The following MAGI2 variants were observed in gnomAD, a reference collection of about 807,000 sequenced individuals.
MAGI2 encodes the protein membrane associated guanylate kinase, WW and PDZ domain containing 2.
In MAGI2, 35 loss-of-function variants were observed where a neutral mutation model predicts 133.3. The observed-to-expected ratio is 0.26, with a 90% CI of 0.20 to 0.35. The LOEUF (loss-of-function observed/expected upper bound fraction) is 0.35, where lower values mean the gene tolerates loss of function less well. MAGI2 is among the 10% of genes least tolerant of loss of function. The probability of loss-of-function intolerance (pLI) is 1.00; values close to 1 mark genes in which losing one functional copy is unlikely to be tolerated. For missense variants in MAGI2, 1,636 were observed against 1,863.4 expected, an observed-to-expected ratio of 0.88 and a Z score of 2.25; for synonymous variants, 729 against 710.6, an observed-to-expected ratio of 1.03 and a Z score of -0.41.
chr7:78,747,121 G>A (rs1822997252), intron 2 of MAGI2, among the ~76,000 whole-genome samples: 1 of 152,108 alleles, frequency 6.6e-6, no homozygotes, highest in South Asian at 2.1e-4. Flanking sequence ...CTTAAATTGG[G>A]CAGTTTTCCT....
intron 2 of MAGI2, among the ~76,000 whole-genome samples, chr7:78,750,341 T>G (rs1253492275): frequency 6.6e-6 from 1 of 152,154 alleles, no homozygotes; most frequent in Non-Finnish European, 1.5e-5. Context: ...GCAATAAACA[T>G]ATGTGTGTAC....
At chr7:79,029,742 T>C (rs1458277874) in intron 1 of MAGI2, among the ~76,000 whole-genome samples, 1 of 152,224 alleles carries the variant, frequency 6.6e-6, no homozygotes, top group Admixed American at 6.5e-5. Context: ...TATTTATTAC[T>C]GTATTTATTC....
At chr7:79,125,501 G>T (rs1344918515) in intron 1 of MAGI2, 9 of 513,770 alleles carry the variant, frequency 1.8e-5, no homozygotes, top group Non-Finnish European at 3.5e-5. Context: ...AGACGCTATG[G>T]AAGTGGTGGA....
At chr7:79,276,069 C>G (rs2364902) in intron 1 of MAGI2, among the ~76,000 whole-genome samples, 90,336 of 152,032 alleles carry the variant, frequency 0.59, 28,800 homozygotes, top group Non-Finnish European at 0.7. Flanking sequence ...GTAATTCCGA[C>G]TTTCAAGTAT....
chr7:78,806,602 A>G (rs37881), intron 2 of MAGI2, among the ~76,000 whole-genome samples: 132,628 of 151,978 alleles, frequency 0.87, 58,118 homozygotes, highest in East Asian at 1. Context: ...AAGGTGACTC[A>G]CACTTGTAAT....
At chr7:78,549,328 C>T (rs1799138216) in intron 3 of MAGI2, among the ~76,000 whole-genome samples, 1 of 151,990 alleles carries the variant, frequency 6.6e-6, no homozygotes, top group Admixed American at 6.6e-5. Flanking sequence ...CATAGTGGAT[C>T]AAGACAAAAG....
chr7:78,180,938 T>C (rs1231084900), intron 13 of MAGI2, among the ~76,000 whole-genome samples: 1 of 151,470 alleles, frequency 6.6e-6, no homozygotes, highest in Non-Finnish European at 1.5e-5. Flanking sequence ...TTTTTTTTTT[T>C]TTTTTTTTTT....
chr7:78,778,564 G>A (rs533299866), intron 2 of MAGI2, among the ~76,000 whole-genome samples: 1 of 152,218 alleles, frequency 6.6e-6, no homozygotes, highest in Non-Finnish European at 1.5e-5. Flanking sequence ...TATTTAAAGG[G>A]ACTGAATTAA....
chr7:78,793,902 T>G (rs924889180), intron 2 of MAGI2, among the ~76,000 whole-genome samples: 6 of 152,174 alleles, frequency 3.9e-5, no homozygotes, highest in Non-Finnish European at 2.9e-5. Flanking sequence ...TCCATGAAGA[T>G]CTCTTGGGGA....
intron 21 of MAGI2, among the ~76,000 whole-genome samples, chr7:78,051,304 T>C (rs1033573382): frequency 6.6e-6 from 1 of 152,162 alleles, no homozygotes; most frequent in African/African-American, 2.4e-5. Context: ...TTTTAAACTG[T>C]CAAGAAAGTG....
chr7:78,829,000 T>C (rs77118842), intron 2 of MAGI2, among the ~76,000 whole-genome samples: 2,261 of 152,210 alleles, frequency 0.015, 34 homozygotes, highest in African/African-American at 0.037. Flanking sequence ...CTCAGTAACA[T>C]TGAATTCAAA....
At chr7:78,264,625 A>G (rs1386122601) in intron 9 of MAGI2, among the ~76,000 whole-genome samples, 2 of 152,192 alleles carry the variant, frequency 1.3e-5, no homozygotes, top group East Asian at 3.9e-4. Flanking sequence ...GTGACAGGGC[A>G]TTATAACTCA....
At position 78,804,834 on chromosome 7, in the gene MAGI2, G is replaced by A. The variant is rs566337498; in HGVS notation, c.419-177595C>T. 4.4e-4 allele frequency among the ~76,000 whole-genome samples: 66 copies of A among 150,858 alleles called. No homozygotes were observed. The East Asian group carries it at 0.013, about 29-fold the overall frequency. On this transcript the variant is annotated intron_variant, in intron 2 of 21. Transcript: ENST00000354212. ...TGTAATCCCAGCACTTTGGGAAGCC[G>A]AGGCGGGTGGATCACCTAAGACCAG... is the stretch of plus-strand genomic sequence containing the variant.
intron 1 of MAGI2, among the ~76,000 whole-genome samples, chr7:79,136,003 G>GAGAA (rs1554375907): frequency 0.075 from 3,026 of 40,488 alleles, 147 homozygotes; most frequent in Middle Eastern, 0.17. Context: ...AAGAAAGAAA[G>GAGAA]AGAAAGAAAG....
At chr7:79,190,017 A>C (rs1010751774) in intron 1 of MAGI2, among the ~76,000 whole-genome samples, 1 of 151,858 alleles carries the variant, frequency 6.6e-6, no homozygotes, top group Non-Finnish European at 1.5e-5. Flanking sequence ...TTGTTCATAT[A>C]TTCTACCTAT....
chr7:78,987,708 T>TA (rs1805391893), intron 2 of MAGI2, among the ~76,000 whole-genome samples: 1 of 152,062 alleles, frequency 6.6e-6, no homozygotes, highest in Non-Finnish European at 1.5e-5. Flanking sequence ...AGAATTTTAT[T>TA]AAAAACAGTT....
rs117078489 is a variant in MAGI2, at chr7:79,416,558, T to A, written c.301+36462A>T. Among the ~76,000 whole-genome samples the A allele has an allele frequency of 4.3e-4, 65 of 152,028 alleles. No individual in the cohort carries two copies. In the East Asian group the frequency reaches 0.012, roughly 28 times the overall value. ...TGTGAGTGCTGTGTACCGAAATATA[T>A]ATGGGGAAATGATATGATGTCTGAG... On this transcript the variant is annotated intron_variant, in intron 1 of 21. Coordinates refer to ENST00000354212, the MANE Select transcript of MAGI2 (RefSeq NM_012301.4).
chr7:78,970,776 G>C (rs540612837), intron 2 of MAGI2, among the ~76,000 whole-genome samples: 95 of 152,114 alleles, frequency 6.2e-4, no homozygotes, highest in South Asian at 4.4e-3. Context: ...TTTTACTAAT[G>C]GTTAGCAAAG....
At chr7:78,366,911 A>C (rs1204303732) in intron 7 of MAGI2, among the ~76,000 whole-genome samples, 1 of 152,168 alleles carries the variant, frequency 6.6e-6, no homozygotes, top group Non-Finnish European at 1.5e-5. Context: ...GAAGAAAATT[A>C]AACTATTTTG....
Sources: gnomAD v4.1 joint callset for allele counts (sites outside exome capture counted in the v4.1 genomes callset) on GRCh38, gnomAD v4.1.1 for gene constraint, MANE v1.5 for transcripts, NCBI Gene and HGNC (gene_info 2026-07-23, HGNC 2026-07-21) for gene names.